The following SLC24A3 variants were observed in gnomAD, a reference collection of about 807,000 sequenced individuals.
SLC24A3 encodes solute carrier family 24 member 3.
A neutral mutation model predicts 75.8 loss-of-function variants in SLC24A3; 28 were observed. The observed-to-expected ratio is 0.37, with a 90% CI of 0.27 to 0.51. The LOEUF is 0.51. Among genes scored for constraint, SLC24A3 ranks in the 20% least tolerant of loss-of-function variants. The pLI, the probability that SLC24A3 is intolerant of heterozygous loss-of-function variation, is 0.94. For synonymous variants in SLC24A3, 372 were observed against 334.1 expected, an observed-to-expected ratio of 1.11 and a Z score of -1.24; for missense variants, 663 against 847.8, an observed-to-expected ratio of 0.78 and a Z score of 2.71.
chr20:19,659,293 G>A (rs1174695998), intron 7 of SLC24A3, among the ~76,000 whole-genome samples: 1 of 152,182 alleles, frequency 6.6e-6, no homozygotes, highest in Non-Finnish European at 1.5e-5. Flanking sequence ...TCCTTCCCTG[G>A]GACATTCATT....
At chr20:19,445,027 T>C (rs1987357302) in intron 2 of SLC24A3, among the ~76,000 whole-genome samples, 1 of 152,174 alleles carries the variant, frequency 6.6e-6, no homozygotes, top group South Asian at 2.1e-4. Flanking sequence ...TATTTTTATT[T>C]TATTTGAGAA....
chr20:19,603,296 G>A (rs1165797032), intron 6 of SLC24A3, among the ~76,000 whole-genome samples: 1 of 152,200 alleles, frequency 6.6e-6, no homozygotes, highest in Non-Finnish European at 1.5e-5. Context: ...AGATGCAGCT[G>A]TGGGGTCAGA....
At chr20:19,679,250 C>G (rs1211137821) in intron 9 of SLC24A3, among the ~76,000 whole-genome samples, 1 of 152,214 alleles carries the variant, frequency 6.6e-6, no homozygotes, top group Non-Finnish European at 1.5e-5. Flanking sequence ...TCTGCAATCC[C>G]AGCACCTCCG....
intron 2 of SLC24A3, among the ~76,000 whole-genome samples, chr20:19,288,086 C>T (rs982761544): frequency 6.6e-6 from 1 of 152,220 alleles, no homozygotes; most frequent in Non-Finnish European, 1.5e-5. Flanking sequence ...GAATTTACCA[C>T]TCTGCAGGCA....
chr20:19,239,714 T>C (rs1052400442), intron 1 of SLC24A3, among the ~76,000 whole-genome samples: 1 of 152,204 alleles, frequency 6.6e-6, no homozygotes, highest in African/African-American at 2.4e-5. Flanking sequence ...TCACATTGTT[T>C]TCACCCCAAG....
intron 8 of SLC24A3, among the ~76,000 whole-genome samples, chr20:19,667,559 C>T (rs956079734): frequency 2.0e-5 from 3 of 152,196 alleles, no homozygotes; most frequent in Non-Finnish European, 2.9e-5. Context: ...AAAAGACAAA[C>T]AAGTTGTGAT....
At chr20:19,439,966 T>G (rs1047263911) in intron 2 of SLC24A3, among the ~76,000 whole-genome samples, 1 of 152,134 alleles carries the variant, frequency 6.6e-6, no homozygotes, top group Non-Finnish European at 1.5e-5. Flanking sequence ...TGACGGGATG[T>G]TGGGGTTTTA....
chr20:19,698,488 TGAGACTAAAGGCTTGG>T, intron 14 of SLC24A3, 64 bp from the exon 15 acceptor site: 2 of 944,312 alleles, frequency 2.1e-6, no homozygotes, highest in Non-Finnish European at 3.3e-6. Flanking sequence ...TCTCTGGCTG[TGAGACTAAAGGCTTGG>T]GAGAGTCCTG....
At chr20:19,351,207 G>A (rs1459281454) in intron 2 of SLC24A3, among the ~76,000 whole-genome samples, 2 of 152,168 alleles carry the variant, frequency 1.3e-5, no homozygotes, top group African/African-American at 2.4e-5. Flanking sequence ...CACTGCTGCA[G>A]TCTGAAGTTC....
At chr20:19,543,991 TTC>T (rs759620947) in intron 3 of SLC24A3, among the ~76,000 whole-genome samples, 3 of 152,240 alleles carry the variant, frequency 2.0e-5, no homozygotes, top group Non-Finnish European at 4.4e-5. Context: ...TTTGGAACTC[TTC>T]TTTGTCAGGT....
chr20:19,660,349 A>G (rs539890822), intron 7 of SLC24A3, among the ~76,000 whole-genome samples: 1 of 151,280 alleles, frequency 6.6e-6, no homozygotes, highest in African/African-American at 2.4e-5. Flanking sequence ...CTTTGCATAC[A>G]CATAGCTTAG....
chr20:19,705,942 T>C lies in SLC24A3; in HGVS notation c.1719+7262T>C, dbSNP rs115296209. ...CAAAGTTTGGAAAATGAGCACTTCTTGTTCCATTATGGTGATGAACGTCTG... is the reference window on the plus strand; with the variant it reads ...CAAAGTTTGGAAAATGAGCACTTCTCGTTCCATTATGGTGATGAACGTCTG... On this transcript the variant is annotated intron_variant, in intron 15 of 16. Transcript: ENST00000328041. Among the ~76,000 whole-genome samples the C allele has an allele frequency of 6.0e-3, 917 of 152,346 alleles. 7 individuals are homozygous for C. The highest frequency in any genetic ancestry group is 0.021 in the African/African-American group (865 of 41,586).
intron 6 of SLC24A3, among the ~76,000 whole-genome samples, chr20:19,600,902 C>G (rs530779352): frequency 6.6e-6 from 1 of 152,216 alleles, no homozygotes; most frequent in Admixed American, 6.5e-5. Flanking sequence ...CTCAAGTGAT[C>G]CCCCCACTTC....
intron 3 of SLC24A3, among the ~76,000 whole-genome samples, chr20:19,568,884 A>G (rs1403242366): frequency 3.9e-5 from 6 of 152,180 alleles, no homozygotes; most frequent in African/African-American, 1.4e-4. Context: ...ACAGTGACTA[A>G]AATAGAGGGA....
chr20:19,267,405 A>G (rs979128759), intron 1 of SLC24A3, among the ~76,000 whole-genome samples: 6 of 152,214 alleles, frequency 3.9e-5, no homozygotes, highest in Admixed American at 2.0e-4. Flanking sequence ...CAATTACCCA[A>G]AGACTGTTGT....
intron 2 of SLC24A3, among the ~76,000 whole-genome samples, chr20:19,313,951 C>G (rs1250804803): frequency 6.6e-6 from 1 of 152,136 alleles, no homozygotes; most frequent in East Asian, 1.9e-4. Context: ...AGGGCGATGC[C>G]AGATACATGA....
chr20:19,244,500 C>A (rs368813748), intron 1 of SLC24A3, among the ~76,000 whole-genome samples: 1 of 152,186 alleles, frequency 6.6e-6, no homozygotes, highest in East Asian at 1.9e-4. Context: ...AGTCCCAGCG[C>A]TGGGCAAGTC....
intron 7 of SLC24A3, among the ~76,000 whole-genome samples, chr20:19,660,919 G>A (rs369640273): frequency 2.6e-5 from 4 of 151,956 alleles, no homozygotes; most frequent in African/African-American, 7.3e-5. Flanking sequence ...TACAAAGGTC[G>A]CCTGTTTTGT....
At chr20:19,559,929 A>T (rs948192528) in intron 3 of SLC24A3, among the ~76,000 whole-genome samples, 2 of 152,294 alleles carry the variant, frequency 1.3e-5, no homozygotes, top group Non-Finnish European at 2.9e-5. Flanking sequence ...AATAAATAAT[A>T]AAAACCCTGA....
Sources: gnomAD v4.1 joint callset for allele counts (sites outside exome capture counted in the v4.1 genomes callset) on GRCh38, gnomAD v4.1.1 for gene constraint, MANE v1.5 for transcripts, NCBI Gene and HGNC (gene_info 2026-07-23, HGNC 2026-07-21) for gene names.